The following MYO15A variants were observed in gnomAD, a reference collection of about 807,000 sequenced individuals.
MYO15A encodes unconventional myosin-XV.
MYO15A carries 308 observed loss-of-function variants against 394.6 expected under a neutral mutation model. The ratio of observed to expected loss-of-function variants is 0.78; its 90% CI spans 0.71 to 0.86. The LOEUF (loss-of-function observed/expected upper bound fraction) is 0.86, where lower values mean the gene tolerates loss of function less well. MYO15A is among the 40% of genes least tolerant of loss of function. The pLI is 0.00. For missense variants in MYO15A, 4,606 were observed against 4,799.1 expected (o/e 0.96, Z 1.19); for synonymous variants, 1,957 against 2,003.8 (o/e 0.98, Z 0.62).
Position 18,158,538 on chromosome 17 carries a change from G to T in MYO15A, c.8983G>T (p.Ala2995Ser). The T allele has an allele frequency of 6.2e-7, 1 of 1,614,154 alleles. No homozygotes were observed. Among genetic ancestry groups the T allele is most frequent in the Middle Eastern group, 1.7e-4 (1 of 6,060 alleles). The change falls in exon 52 of 66, where the codon GCC (alanine) becomes TCC (serine). Residue 2995 changes from alanine (A) to serine (S), a missense_variant. Physicochemically the swap from Ala to Ser is moderately conservative, Grantham distance 99. Coordinates refer to ENST00000647165, the MANE Select transcript of MYO15A (RefSeq NM_016239.4). ...TCTTCTGCAGGGTCCCCCAGTCAGG[G>T]CCCGCTCTGCTGACCATGGGGAGGA... ...GRRREGPPVR[A>S]RSADHGEDAL...
chr17:18,157,931 G>GGGGGGGGGGGT, intron 51 of MYO15A, 31 bp downstream of exon 51: 1 of 412,722 alleles, frequency 2.4e-6, no homozygotes, highest in Non-Finnish European at 4.5e-6. Flanking sequence ...GTGGGGCGGG[G>GGGGGGGGGGGT]TAGACCAGGG....
chr17:18,139,491 A>G, intron 18 of MYO15A, 43 bp from the exon 19 acceptor site: 3 of 1,591,820 alleles, frequency 1.9e-6, no homozygotes, highest in Non-Finnish European at 2.6e-6. Context: ...ATAGACAGAG[A>G]GACAGAGGCC....
chr17:18,149,101 A>T, intron 33 of MYO15A, 115 bp from the exon 34 acceptor site: 1 of 1,502,498 alleles, frequency 6.7e-7, no homozygotes, highest in Middle Eastern at 1.9e-4. Flanking sequence ...AGAGTTCACC[A>T]AAGGATCCTG....
chr17:18,138,087 T>A (rs1182863474), intron 16 of MYO15A, 28 bp from the exon 17 acceptor site: 1 of 1,604,338 alleles, frequency 6.2e-7, no homozygotes. Context: ...GGATGGGAGG[T>A]TGAGCTCCTG....
chr17:18,163,948 C>T, intron 60 of MYO15A, 110 bp downstream of exon 60: 1 of 1,087,100 alleles, frequency 9.2e-7, no homozygotes, highest in Non-Finnish European at 1.4e-6. Flanking sequence ...CCACTTCCTC[C>T]AGGAAGCCCC....
chr17:18,176,541 C>CTTTTTTTTTTTTTTTTTTTT (rs35105114), intron 65 of MYO15A: 12 of 93,448 alleles, frequency 1.3e-4, no homozygotes, highest in African/African-American at 1.7e-4. Flanking sequence ...TTTTACTTTT[C>CTTTTTTTTTTTTTTTTTTTT]TTTTTTTTTT....
intron 1 of MYO15A, among the ~76,000 whole-genome samples, chr17:18,114,017 T>G (rs776874797): frequency 1.4e-4 from 21 of 152,176 alleles, no homozygotes; most frequent in Non-Finnish European, 2.6e-4. Context: ...ACTGCAGCAA[T>G]GAGCAGCTCT....
intron 1 of MYO15A, among the ~76,000 whole-genome samples, chr17:18,110,709 C>A (rs1031548145): frequency 3.3e-5 from 5 of 152,184 alleles, no homozygotes; most frequent in African/African-American, 1.2e-4. Flanking sequence ...TCTGGAAATG[C>A]GAAACAGTGA....
In MYO15A at chr17:18,120,582, G is replaced by T; in HGVS notation, c.1782G>T (p.Lys594Asn). Reference protein sequence around the residue: ...KPIARLRGSQKARAGGPAVRE... With the variant: ...KPIARLRGSQNARAGGPAVRE... ...TCGCGCGGCTCAGGGGCAGCCAGAA[G>T]GCCCGGGCGGGCGGCCCTGCTGTCA... Residue 594 changes from lysine (K) to asparagine (N), a missense_variant, in exon 2 of 66, where the codon AAG becomes AAT. Lys to Asn is a moderately conservative substitution (Grantham distance 94). Around this residue, in one of 2 missense-constraint regions of MYO15A, gnomAD observed 1,830 missense variants for 1,689.7 expected, o/e 1.08. Transcript: ENST00000647165. 1 of 1,598,834 alleles carries T rather than the reference G, an allele frequency of 6.3e-7. No homozygotes were observed.
intron 54 of MYO15A, 91 bp from the exon 55 acceptor site, chr17:18,159,515 C>A (rs1421484394): frequency 2.5e-5 from 38 of 1,516,510 alleles, no homozygotes; most frequent in Non-Finnish European, 3.4e-5. Flanking sequence ...GTGGCCAAGG[C>A]TCCCAGGGAG....
Position 18,122,301 on chromosome 17 carries a change from G to A in MYO15A, c.3501G>A (p.Trp1167Ter). The A allele has an allele frequency of 6.2e-7, 1 of 1,613,052 alleles. No individual in the cohort carries two copies. The highest frequency in any genetic ancestry group is 8.5e-7 in the Non-Finnish European group (1 of 1,179,990). ...LWLRADAYGP[W>*]PRVHTHPQSC... ...TTCGGGCAGATGCCTATGGACCCTG[G>A]CCACGAGTACACACCCATCCCCAGT... is the stretch of plus-strand genomic sequence containing the variant. The change falls in exon 2 of 66, where the codon TGG (tryptophan) becomes TGA (stop). Residue 1167 changes from tryptophan to a stop codon, truncating the protein, a stop_gained. Transcript: ENST00000647165. LOFTEE classifies it high-confidence loss of function.
intron 4 of MYO15A, 97 bp downstream of exon 4, chr17:18,125,328 G>A (rs759546265): frequency 8.5e-7 from 1 of 1,174,554 alleles, no homozygotes; most frequent in Non-Finnish European, 1.3e-6. Flanking sequence ...GTGGGCCCTA[G>A]CCCCTGTGGC....
At chr17:18,108,854 G>C (rs2045686961) in intron 1 of MYO15A, 30 bp downstream of exon 1, 1 of 152,736 alleles carries the variant, frequency 6.5e-6, no homozygotes, top group South Asian at 2.1e-4. Flanking sequence ...GAGTCCTTGG[G>C]GTCTGTCACT....
chr17:18,138,857 C>T lies in MYO15A; in HGVS notation c.5054C>T (p.Ala1685Val). The T allele has an allele frequency of 6.2e-7, 1 of 1,613,818 alleles. No individual in the cohort carries two copies. The highest frequency in any genetic ancestry group is 8.5e-7 in the Non-Finnish European group (1 of 1,179,908). Residue 1685 changes from alanine to valine, a missense_variant, in exon 18 of 66, where the codon GCC (alanine) becomes GTC (valine). Transcript: ENST00000647165. ...FLQKCHYHHGANPLYSKPKMP... is the reference protein window; with the variant it reads ...FLQKCHYHHGVNPLYSKPKMP... ...CAGAAGTGCCACTACCATCATGGCG[C>T]CAACCCGCTCTATTCCAAACCCAAG...
In MYO15A at chr17:18,118,649, C is replaced by G; in HGVS notation, c.-152C>G. On this transcript the variant is annotated 5_prime_UTR_variant, in exon 2 of 66. Transcript: ENST00000647165. ...GCCCTCCCGGAATCCTGGCTCGGCC[C>G]TCCCCACGCCACCCAGGGCCAGTCG... The G allele has an allele frequency of 8.3e-7, 1 of 1,211,866 alleles. No homozygotes were observed. Among genetic ancestry groups the G allele is most frequent in the Non-Finnish European group, 1.1e-6 (1 of 875,324 alleles). The allele number at this position is 1,211,866 out of a possible 1,614,324, so 75.1% of individuals were successfully genotyped here. A position where few individuals can be genotyped will look rare whatever the true frequency, so the allele number is the denominator to read the frequency against.
chr17:18,172,616 C>T (rs1429290031), intron 64 of MYO15A: 3 of 394,012 alleles, frequency 7.6e-6, no homozygotes, highest in East Asian at 1.2e-4. Flanking sequence ...GTTTATTTCT[C>T]ACAATTCTGG....
At position 18,150,331 on chromosome 17, in the gene MYO15A, C is replaced by T; in HGVS notation, c.7213-98C>T. 7.2e-6 allele frequency: 8 copies of T among 1,116,898 alleles called. No homozygotes were observed. Among genetic ancestry groups the T allele is most frequent in the South Asian group, 3.8e-5 (3 of 78,480 alleles). 69.2% of individuals were successfully genotyped at this position (1,116,898 alleles called of 1,614,324 possible). ...GCCAGTGGGAGGCTGCCCCCTCCCA[C>T]GAGAGGGTGGGGAAGAGGCCAGTGT... On this transcript the variant is annotated intron_variant, in intron 35 of 65. Transcript: ENST00000647165. This position sits in a 1 kb window ranked among gnomAD's most constrained non-coding sequence, Gnocchi z 4.4.
At chr17:18,161,940 G>A (rs1420681389) in intron 57 of MYO15A, among the ~76,000 whole-genome samples, 1 of 152,116 alleles carries the variant, frequency 6.6e-6, no homozygotes, top group African/African-American at 2.4e-5. Context: ...AACCCCTGGG[G>A]CTCCCTAAGA....
At chr17:18,178,484 T>G (rs2047045925) in intron 65 of MYO15A, 3 of 554,798 alleles carry the variant, frequency 5.4e-6, no homozygotes, top group Non-Finnish European at 9.9e-6. Context: ...CCACTGAGGC[T>G]CAGAGAGGTG....
Sources: allele counts gnomAD v4.1 joint callset (sites outside exome capture counted in the v4.1 genomes callset), GRCh38; gene constraint gnomAD v4.1.1; regional missense constraint gnomAD v4.1.1; non-coding constraint Gnocchi (gnomAD v3.1); transcripts MANE v1.5; gene names NCBI Gene and HGNC (gene_info 2026-07-23, HGNC 2026-07-21).